The following ATXN1 variants were observed in gnomAD, a reference collection of about 807,000 sequenced individuals.
ATXN1 encodes ataxin-1.
A neutral mutation model predicts 56.4 loss-of-function variants in ATXN1; 8 were observed. The observed-to-expected ratio is 0.14, with a 90% CI of 0.08 to 0.26. The LOEUF (loss-of-function observed/expected upper bound fraction) is 0.26, where lower values mean the gene tolerates loss of function less well. ATXN1 is among the 10% of genes least tolerant of loss of function. ATXN1 has a pLI of 1.00. For synonymous variants in ATXN1, 514 were observed against 494.6 expected (o/e 1.04, Z -0.52); for missense variants, 987 against 1,106.5 (o/e 0.89, Z 1.53).
In ATXN1 at chr6:16,652,392, GAC is replaced by G. The variant is rs149163233; in HGVS notation, c.-489+5382_-489+5383del. 2.4e-3 allele frequency among the ~76,000 whole-genome samples: 372 copies of G among 152,262 alleles called. 2 individuals are homozygous for G. Among genetic ancestry groups the G allele is most frequent in the African/African-American group, 8.3e-3 (346 of 41,548 alleles). On this transcript the variant is annotated intron_variant, in intron 3 of 7. Coordinates refer to ENST00000436367, the MANE Select transcript of ATXN1 (RefSeq NM_001128164.2). ...ATGCCTCACGGTAAACGATACAAGTGACACAGTTTCTAACTAGACAAATGCTC... is the reference window on the plus strand; with the variant it reads ...ATGCCTCACGGTAAACGATACAAGTGACAGTTTCTAACTAGACAAATGCTC...
chr6:16,477,989 C>G (rs1236579080), intron 6 of ATXN1, among the ~76,000 whole-genome samples: 1 of 152,204 alleles, frequency 6.6e-6, no homozygotes, highest in Non-Finnish European at 1.5e-5. Context: ...CCACCCTCTT[C>G]CACCACCACT....
At chr6:16,610,644 A>C (rs1763087685) in intron 3 of ATXN1, among the ~76,000 whole-genome samples, 1 of 152,164 alleles carries the variant, frequency 6.6e-6, no homozygotes, top group East Asian at 1.9e-4. Context: ...ATTTCATAGA[A>C]TATATTTGAA....
At chr6:16,403,523 G>T (rs967844332) in intron 6 of ATXN1, among the ~76,000 whole-genome samples, 3 of 152,122 alleles carry the variant, frequency 2.0e-5, no homozygotes, top group African/African-American at 7.2e-5. Flanking sequence ...ACTAATTTTT[G>T]TATTTTTAGT....
In ATXN1 at chr6:16,753,285, C is replaced by T. The variant is rs532462885; in HGVS notation, c.-667G>A. ...GGCAGTGGAGGAGGAGATTGCTGTA[C>T]AAGGATGACAAACAAATCTGCAGCT... On this transcript the variant is annotated 5_prime_UTR_variant, in exon 2 of 8. Transcript: ENST00000436367. 2 of 456,764 alleles carry T rather than the reference C, an allele frequency of 4.4e-6. No individual in the cohort carries two copies. The highest frequency in any genetic ancestry group is 3.1e-5 in the South Asian group (2 of 64,564). 28.3% of individuals were successfully genotyped at this position (456,764 alleles called of 1,614,324 possible).
chr6:16,655,836 T>C (rs1758187255), intron 3 of ATXN1, among the ~76,000 whole-genome samples: 2 of 152,038 alleles, frequency 1.3e-5, no homozygotes, highest in South Asian at 4.1e-4. Flanking sequence ...ACATCTGTAA[T>C]CCCAGCACTT....
rs189601156 is a variant in ATXN1 at position 16,395,257 on chromosome 6, C to T, written c.-160-66787G>A. ...TGCATTCCAGCCTGGCCAACAAGAG[C>T]GAAACTCCGTCTCAAAAAAAAAAAA... On this transcript the variant is annotated intron_variant, in intron 6 of 7. Coordinates refer to ENST00000436367, the MANE Select transcript of ATXN1 (RefSeq NM_001128164.2). 6.4e-4 allele frequency among the ~76,000 whole-genome samples: 66 copies of T among 102,416 alleles called. No homozygotes were observed. The East Asian group carries it at 6.7e-3, about 10-fold the overall frequency. The allele number at this position is 102,416 out of a possible 152,430, so 67.2% of individuals were successfully genotyped here. A position where few individuals can be genotyped will look rare whatever the true frequency, so the allele number is the denominator to read the frequency against.
chr6:16,671,334 T>G (rs1758537877), intron 2 of ATXN1, among the ~76,000 whole-genome samples: 1 of 146,912 alleles, frequency 6.8e-6, no homozygotes, highest in Non-Finnish European at 1.5e-5. Context: ...TGCAGTAACG[T>G]AACAGAATAA....
At chr6:16,593,764 C>T (rs1295696829) in intron 3 of ATXN1, among the ~76,000 whole-genome samples, 2 of 151,596 alleles carry the variant, frequency 1.3e-5, no homozygotes, top group Non-Finnish European at 2.9e-5. Context: ...CAGGTAGCTA[C>T]TATAGTTCCT....
At chr6:16,699,302 C>T (rs1170464280) in intron 2 of ATXN1, among the ~76,000 whole-genome samples, 1 of 152,206 alleles carries the variant, frequency 6.6e-6, no homozygotes, top group African/African-American at 2.4e-5. Context: ...GAATCTTTGA[C>T]CTCACCATTC....
intron 4 of ATXN1, among the ~76,000 whole-genome samples, chr6:16,541,242 T>C (rs1258015759): frequency 1.3e-5 from 2 of 152,246 alleles, no homozygotes; most frequent in African/African-American, 2.4e-5. Context: ...GCAACACTAC[T>C]AGGACACCTG....
At chr6:16,385,278 C>T (rs997008498) in intron 6 of ATXN1, among the ~76,000 whole-genome samples, 9 of 152,176 alleles carry the variant, frequency 5.9e-5, no homozygotes, top group African/African-American at 2.2e-4. Flanking sequence ...TAGGCAGGAA[C>T]ATTTTTTGAT....
Position 16,760,798 on chromosome 6 carries a change from G to A in ATXN1, c.-730+500C>T, listed in dbSNP as rs1352190066. Among the ~76,000 whole-genome samples, 2 of 151,234 alleles carry A rather than the reference G, an allele frequency of 1.3e-5. No homozygotes were observed. The highest frequency in any genetic ancestry group is 2.4e-5 in the African/African-American group (1 of 41,396). ...ATGGGAAGAGGGCGGCCGGGAAAGG[G>A]ACCACCCCCCAACCCCAGCCGCCGC... On this transcript the variant is annotated intron_variant, in intron 1 of 7. Coordinates refer to ENST00000436367, the MANE Select transcript of ATXN1 (RefSeq NM_001128164.2). This position sits in a 1 kb window ranked among gnomAD's most constrained non-coding sequence, Gnocchi z 5.3.
At chr6:16,504,304 GC>G (rs1180047659) in intron 5 of ATXN1, among the ~76,000 whole-genome samples, 4 of 152,164 alleles carry the variant, frequency 2.6e-5, no homozygotes, top group Non-Finnish European at 5.9e-5. Context: ...CAGAAAGCAT[GC>G]CTTGTAAAGA....
chr6:16,622,578 C>A (rs1221073157), intron 3 of ATXN1, among the ~76,000 whole-genome samples: 1 of 152,182 alleles, frequency 6.6e-6, no homozygotes, highest in African/African-American at 2.4e-5. Flanking sequence ...TTCAATCTAA[C>A]ATCATTCAAG....
rs1554128995 is a variant in ATXN1 at position 16,730,487 on chromosome 6, G to GTATGTA, written c.-615+22745_-615+22746insTACATA. On this transcript the variant is annotated intron_variant, in intron 2 of 7. Transcript: ENST00000436367. ...CTGGAGTTAAAGGGTAAAACAGTAT[G>GTATGTA]TATATATATATATATATATAAATGT... is the stretch of plus-strand genomic sequence containing the variant. Among the ~76,000 whole-genome samples the GTATGTA allele has an allele frequency of 9.0e-3, 1,190 of 132,032 alleles. 12 individuals are homozygous for GTATGTA. Among genetic ancestry groups the GTATGTA allele is most frequent in the Middle Eastern group, 0.033 (8 of 242 alleles). 86.6% of individuals were successfully genotyped at this position (132,032 alleles called of 152,430 possible). A position where few individuals can be genotyped will look rare whatever the true frequency, so the allele number is the denominator to read the frequency against.
chr6:16,656,471 C>T (rs555330633), intron 3 of ATXN1, among the ~76,000 whole-genome samples: 1 of 151,778 alleles, frequency 6.6e-6, no homozygotes, highest in South Asian at 2.1e-4. Context: ...GACTCTGCTT[C>T]CAGGTAATAT....
intron 3 of ATXN1, among the ~76,000 whole-genome samples, chr6:16,596,384 A>G (rs2113775870): frequency 6.6e-6 from 1 of 152,278 alleles, no homozygotes; most frequent in South Asian, 2.1e-4. Context: ...GCCTGCAAAT[A>G]TGATAGGGAA....
intron 6 of ATXN1, among the ~76,000 whole-genome samples, chr6:16,425,964 T>C (rs992247918): frequency 1.3e-5 from 2 of 152,170 alleles, no homozygotes; most frequent in African/African-American, 2.4e-5. Flanking sequence ...CAGACTGATA[T>C]TAACCACTGT....
chr6:16,605,300 C>A (rs1294932694), intron 3 of ATXN1, among the ~76,000 whole-genome samples: 1 of 152,148 alleles, frequency 6.6e-6, no homozygotes, highest in Non-Finnish European at 1.5e-5. Flanking sequence ...CTAGAATGGA[C>A]CTTGAGGAGA....
Sources: allele counts gnomAD v4.1 joint callset (sites outside exome capture counted in the v4.1 genomes callset), GRCh38; gene constraint gnomAD v4.1.1; non-coding constraint Gnocchi (gnomAD v3.1); transcripts MANE v1.5; gene names NCBI Gene and HGNC (gene_info 2026-07-23, HGNC 2026-07-21).